The following GMDS variants were observed in gnomAD, a reference collection of about 807,000 sequenced individuals.
GMDS encodes GDP-mannose 4,6 dehydratase.
Under a neutral mutation model 49.9 loss-of-function variants are expected in GMDS, and 20 were observed. The ratio of observed to expected loss-of-function variants is 0.40; its 90% CI spans 0.28 to 0.58. The LOEUF is 0.58. Ranked by LOEUF, GMDS falls within the 20% of genes least tolerant of loss-of-function variation. The pLI is 0.42. For synonymous variants in GMDS, 177 were observed against 178.6 expected (o/e 0.99, Z 0.07); for missense variants, 362 against 481.4 (o/e 0.75, Z 2.32).
chr6:1,992,809 G>C (rs541530577), intron 4 of GMDS, among the ~76,000 whole-genome samples: 2 of 152,298 alleles, frequency 1.3e-5, no homozygotes, highest in East Asian at 3.9e-4. Flanking sequence ...AACACTGAGG[G>C]CCAGTGCCTG....
chr6:1,699,174 G>A (rs1385693505), intron 9 of GMDS, among the ~76,000 whole-genome samples: 1 of 152,168 alleles, frequency 6.6e-6, no homozygotes. Flanking sequence ...ATGGAGGCAT[G>A]GGTGAGAGGA....
chr6:2,042,113 T>C (rs1165002237), intron 4 of GMDS, among the ~76,000 whole-genome samples: 1 of 152,220 alleles, frequency 6.6e-6, no homozygotes, highest in Non-Finnish European at 1.5e-5. Context: ...AAATGACATA[T>C]AATTTTAGAA....
intron 7 of GMDS, among the ~76,000 whole-genome samples, chr6:1,872,231 G>C (rs1758797435): frequency 6.6e-6 from 1 of 152,228 alleles, no homozygotes; most frequent in African/African-American, 2.4e-5. Context: ...CACCGGGCTG[G>C]CTAGCAGGGA....
chr6:2,023,668 G>C (rs1768407366), intron 4 of GMDS, among the ~76,000 whole-genome samples: 1 of 152,218 alleles, frequency 6.6e-6, no homozygotes, highest in Admixed American at 6.5e-5. Flanking sequence ...TTTGAAGTAA[G>C]CACTAAACTG....
At chr6:1,632,913 G>GCT (rs1763040783) in intron 9 of GMDS, among the ~76,000 whole-genome samples, 1 of 152,174 alleles carries the variant, frequency 6.6e-6, no homozygotes, top group African/African-American at 2.4e-5. Context: ...CAACCAACAT[G>GCT]GCGGCATTGC....
At chr6:2,063,207 C>T (rs1375779219) in intron 4 of GMDS, among the ~76,000 whole-genome samples, 1 of 152,218 alleles carries the variant, frequency 6.6e-6, no homozygotes, top group Non-Finnish European at 1.5e-5. Flanking sequence ...ATCACTACCC[C>T]TGTGGAGTAT....
intron 4 of GMDS, among the ~76,000 whole-genome samples, chr6:2,068,298 CA>C (rs1354030607): frequency 6.6e-6 from 1 of 150,708 alleles, no homozygotes; most frequent in Non-Finnish European, 1.5e-5. Context: ...GACAAACCCA[CA>C]GCCAATATCA....
intron 3 of GMDS, 59 bp downstream of exon 3, chr6:2,117,410 C>T (rs1414811862): frequency 2.0e-6 from 2 of 979,896 alleles, no homozygotes; most frequent in African/African-American, 1.6e-5. Flanking sequence ...CTTATCTGAA[C>T]ATAGGAACAT....
At chr6:2,185,820 T>C (rs1224606385) in intron 1 of GMDS, among the ~76,000 whole-genome samples, 3 of 152,160 alleles carry the variant, frequency 2.0e-5, no homozygotes, top group Admixed American at 2.0e-4. Flanking sequence ...GCCTCGTCTA[T>C]GTAGTAAGGC....
chr6:2,057,762 T>C (rs748335356), intron 4 of GMDS, among the ~76,000 whole-genome samples: 1 of 152,244 alleles, frequency 6.6e-6, no homozygotes, highest in African/African-American at 2.4e-5. Context: ...TATCGGACTA[T>C]AGCCACACTG....
At chr6:1,873,267 C>T (rs902874298) in intron 7 of GMDS, among the ~76,000 whole-genome samples, 1 of 152,218 alleles carries the variant, frequency 6.6e-6, no homozygotes, top group Non-Finnish European at 1.5e-5. Flanking sequence ...TGCAACATTG[C>T]TGCCTGTCAG....
chr6:1,652,403 T>TATATATA (rs1763687063), intron 9 of GMDS, among the ~76,000 whole-genome samples: 1 of 3,520 alleles, frequency 2.8e-4, no homozygotes, highest in African/African-American at 6.9e-4. Flanking sequence ...TATATATATA[T>TATATATA]ATATATTATA....
chr6:1,694,054 G>A (rs1158369989), intron 9 of GMDS, among the ~76,000 whole-genome samples: 1 of 152,120 alleles, frequency 6.6e-6, no homozygotes, highest in Non-Finnish European at 1.5e-5. Context: ...AGTTCTGAAG[G>A]CACTAAAGAG....
At chr6:2,126,683 G>A (rs974423346) in intron 1 of GMDS, among the ~76,000 whole-genome samples, 3 of 152,032 alleles carry the variant, frequency 2.0e-5, no homozygotes, top group Admixed American at 6.5e-5. Context: ...CACCCAGGCC[G>A]GAGTGCAGTG....
intron 9 of GMDS, among the ~76,000 whole-genome samples, chr6:1,714,141 C>T (rs545987200): frequency 6.6e-6 from 1 of 152,272 alleles, no homozygotes; most frequent in Admixed American, 6.5e-5. Context: ...CCTCAGCCTC[C>T]CAAGTAGCTG....
chr6:1,910,572 A>G (rs1761000091), intron 7 of GMDS, among the ~76,000 whole-genome samples: 1 of 152,120 alleles, frequency 6.6e-6, no homozygotes. Context: ...GAATAGAAGG[A>G]AAGTAAGATT....
intron 1 of GMDS, among the ~76,000 whole-genome samples, chr6:2,153,669 A>C (rs1776958345): frequency 6.7e-6 from 1 of 150,284 alleles, no homozygotes; most frequent in South Asian, 2.1e-4. Flanking sequence ...TTGAACTGAC[A>C]AAAAAAAGTT....
intron 1 of GMDS, among the ~76,000 whole-genome samples, chr6:2,173,627 T>C (rs1050067209): frequency 3.3e-5 from 5 of 152,228 alleles, no homozygotes; most frequent in African/African-American, 1.2e-4. Context: ...AGTTCTATTC[T>C]ACATCAATGA....
intron 7 of GMDS, among the ~76,000 whole-genome samples, chr6:1,880,857 C>G (rs1032602073): frequency 5.9e-5 from 9 of 152,090 alleles, no homozygotes; most frequent in Non-Finnish European, 1.3e-4. Context: ...TATAATATCT[C>G]CACCTGTATT....
Sources: gnomAD v4.1 joint callset for allele counts (sites outside exome capture counted in the v4.1 genomes callset) on GRCh38, gnomAD v4.1.1 for gene constraint, MANE v1.5 for transcripts, NCBI Gene and HGNC (gene_info 2026-07-23, HGNC 2026-07-21) for gene names.